Variants in BCAS3 observed in about 807,000 individuals in gnomAD.
The protein encoded by BCAS3 is BCAS4/BCAS3 fusion.
Under a neutral mutation model 116.1 loss-of-function variants are expected in BCAS3, and 53 were observed. That is an observed-to-expected ratio of 0.46 (90% CI 0.37 to 0.57). The LOEUF is 0.57. Ranked by LOEUF, BCAS3 falls within the 20% of genes least tolerant of loss-of-function variation. The pLI is 0.00. For missense variants in BCAS3, 917 were observed against 1,165.4 expected (o/e 0.79, Z 3.10); for synonymous variants, 391 against 408.2 (o/e 0.96, Z 0.51).
chr17:60,724,914 C>T (rs1322470380), intron 5 of BCAS3, among the ~76,000 whole-genome samples: 2 of 151,802 alleles, frequency 1.3e-5, no homozygotes, highest in African/African-American at 4.8e-5. Context: ...TGCAGTGGTG[C>T]CATTATAGCT....
In BCAS3 at chr17:61,004,814, G is replaced by A. The variant is rs1336466562; in HGVS notation, c.1487-10937G>A. On this transcript the variant is annotated intron_variant, in intron 15 of 23. Transcript: ENST00000407086. This position sits in a 1 kb window ranked among gnomAD's most constrained non-coding sequence, Gnocchi z 4.8. ...AATTACTATTTCAGAATGGACCAAG[G>A]TGGAATTAACATGGGCACTGTTGTT... 6.6e-6 allele frequency among the ~76,000 whole-genome samples: 1 copy of A among 152,116 alleles called. No homozygotes were observed.
intron 6 of BCAS3, among the ~76,000 whole-genome samples, chr17:60,754,414 G>T (rs1207471336): frequency 6.6e-6 from 1 of 151,930 alleles, no homozygotes; most frequent in South Asian, 2.1e-4. Flanking sequence ...GTGCAATGGC[G>T]TGGTCGGAGA....
intron 22 of BCAS3, among the ~76,000 whole-genome samples, chr17:61,237,455 G>A (rs1478677672): frequency 6.6e-6 from 1 of 152,236 alleles, no homozygotes; most frequent in Non-Finnish European, 1.5e-5. Flanking sequence ...ATCCCCGCCA[G>A]CAGCGGCAAC....
chr17:60,916,580 A>G (rs2058789648), intron 12 of BCAS3, among the ~76,000 whole-genome samples: 1 of 152,218 alleles, frequency 6.6e-6, no homozygotes, highest in South Asian at 2.1e-4. Flanking sequence ...ATCCTTTTTA[A>G]TGAATTTATA....
intron 13 of BCAS3, among the ~76,000 whole-genome samples, chr17:60,932,079 A>C (rs1052109735): frequency 6.6e-6 from 1 of 152,132 alleles, no homozygotes; most frequent in African/African-American, 2.4e-5. Flanking sequence ...TCTAAAAAAA[A>C]ATAAAAAATA....
At position 61,019,761 on chromosome 17, in the gene BCAS3, G is replaced by A. The variant is rs1019922731; in HGVS notation, c.1637+3860G>A. 3.9e-5 allele frequency among the ~76,000 whole-genome samples: 6 copies of A among 152,098 alleles called. No homozygotes were observed. The highest frequency in any genetic ancestry group is 3.3e-4 in the Admixed American group (5 of 15,264). On this transcript the variant is annotated intron_variant, in intron 16 of 23. Coordinates refer to ENST00000407086, the MANE Select transcript of BCAS3 (RefSeq NM_017679.5). This position sits in a 1 kb window ranked among gnomAD's most constrained non-coding sequence, Gnocchi z 5.6. The stretch of plus-strand genomic sequence containing the variant: ...TTCCATTAATTATTGGCATTAAATT[G>A]TATTGTATTTGCTGAGAAATCTGAT...
chr17:60,848,733 C>G (rs758043273), intron 7 of BCAS3, among the ~76,000 whole-genome samples: 3 of 151,326 alleles, frequency 2.0e-5, no homozygotes, highest in Non-Finnish European at 4.4e-5. Context: ...GGGTCTTGCT[C>G]TGTCACCCAG....
chr17:60,896,476 G>A (rs1214233381), intron 10 of BCAS3, among the ~76,000 whole-genome samples: 1 of 151,962 alleles, frequency 6.6e-6, no homozygotes, highest in Non-Finnish European at 1.5e-5. Flanking sequence ...ACTAATATTT[G>A]CTTTAGGAAT....
At position 61,344,976 on chromosome 17, in the gene BCAS3, T is replaced by C. The variant is rs1471653462; in HGVS notation, c.2426-23351T>C. ...ACACCCCTCACAGAAAAATAGCCAC[T>C]CTGTCCCTTCTCATGCGGAGGAAGC... On this transcript the variant is annotated intron_variant, in intron 22 of 23. Transcript: ENST00000407086. This position sits in a 1 kb window ranked among gnomAD's most constrained non-coding sequence, Gnocchi z 4.1. Among the ~76,000 whole-genome samples, 1 of 151,958 alleles carries C rather than the reference T, an allele frequency of 6.6e-6. No homozygotes were observed. Among genetic ancestry groups the C allele is most frequent in the Non-Finnish European group, 1.5e-5 (1 of 67,974 alleles).
At chr17:61,045,987 AT>A (rs1422459012) in intron 19 of BCAS3, among the ~76,000 whole-genome samples, 315 of 9,418 alleles carry the variant, frequency 0.033, 15 homozygotes, top group Middle Eastern at 0.083. Context: ...TTATATATAT[AT>A]TTATATATAT....
chr17:60,986,030 C>T (rs982761378), intron 14 of BCAS3, among the ~76,000 whole-genome samples: 2 of 152,202 alleles, frequency 1.3e-5, no homozygotes, highest in Non-Finnish European at 2.9e-5. Context: ...AGCTACCATG[C>T]CTGGCCAAGT....
At chr17:60,912,217 T>C (rs2058552548) in intron 12 of BCAS3, among the ~76,000 whole-genome samples, 4 of 152,134 alleles carry the variant, frequency 2.6e-5, no homozygotes, top group Admixed American at 2.0e-4. Flanking sequence ...TAGAATGAGA[T>C]AGGAGTAGGG....
At chr17:60,849,809 T>C (rs573078828) in intron 7 of BCAS3, among the ~76,000 whole-genome samples, 2 of 152,234 alleles carry the variant, frequency 1.3e-5, no homozygotes, top group Admixed American at 1.3e-4. Context: ...GTCACTGGAG[T>C]ACAGTGGCAC....
chr17:60,870,105 A>C (rs1412083229), intron 8 of BCAS3, among the ~76,000 whole-genome samples: 1 of 152,192 alleles, frequency 6.6e-6, no homozygotes, highest in Non-Finnish European at 1.5e-5. Flanking sequence ...CCACAGATAA[A>C]TGTAGTCATC....
At chr17:60,739,300 A>G (rs1236247005) in intron 5 of BCAS3, among the ~76,000 whole-genome samples, 1 of 152,184 alleles carries the variant, frequency 6.6e-6, no homozygotes, top group East Asian at 1.9e-4. Context: ...TGAACAAACT[A>G]TTATCTGTAA....
chr17:60,974,545 G>A (rs1441783637), intron 14 of BCAS3, among the ~76,000 whole-genome samples: 9 of 151,952 alleles, frequency 5.9e-5, no homozygotes, highest in Non-Finnish European at 1.0e-4. Context: ...TGTATAAATC[G>A]GAATTACTGG....
Position 61,361,230 on chromosome 17 carries a change from A to G in BCAS3, c.2426-7097A>G, listed in dbSNP as rs73330773. Reference sequence around the variant, plus strand: ...AAGAAAAGACCCAGACGGAGTAGCAACTTGCCCAGAGTAACCAGAAAAGTT... The same window carrying G: ...AAGAAAAGACCCAGACGGAGTAGCAGCTTGCCCAGAGTAACCAGAAAAGTT... On this transcript the variant is annotated intron_variant, in intron 22 of 23. Coordinates refer to ENST00000407086, the MANE Select transcript of BCAS3 (RefSeq NM_017679.5). This position sits in a 1 kb window ranked among gnomAD's most constrained non-coding sequence, Gnocchi z 6.5. Among the ~76,000 whole-genome samples, 2,240 of 152,156 alleles carry G rather than the reference A, an allele frequency of 0.015. 57 individuals are homozygous for G. The highest frequency in any genetic ancestry group is 0.051 in the African/African-American group (2,106 of 41,496).
chr17:60,879,120 A>G (rs1314943082), intron 9 of BCAS3, among the ~76,000 whole-genome samples: 1 of 152,090 alleles, frequency 6.6e-6, no homozygotes, highest in Non-Finnish European at 1.5e-5. Flanking sequence ...GGGACAGGGC[A>G]TACTGAGATA....
intron 11 of BCAS3, among the ~76,000 whole-genome samples, chr17:60,904,930 A>G (rs1304277716): frequency 1.3e-5 from 2 of 152,214 alleles, no homozygotes; most frequent in Non-Finnish European, 2.9e-5. Flanking sequence ...CAATATTACA[A>G]AGACTCTTCC....
Sources: gnomAD v4.1 joint callset for allele counts (sites outside exome capture counted in the v4.1 genomes callset) on GRCh38, gnomAD v4.1.1 for gene constraint, Gnocchi (gnomAD v3.1) non-coding constraint, MANE v1.5 for transcripts, NCBI Gene and HGNC (gene_info 2026-07-23, HGNC 2026-07-21) for gene names.